Variants in JAK2 observed in about 807,000 individuals in gnomAD.
JAK2 encodes the protein tyrosine-protein kinase JAK2.
A neutral mutation model predicts 139.3 loss-of-function variants in JAK2; 86 were observed. That is an observed-to-expected ratio of 0.62 (90% CI 0.52 to 0.74). The LOEUF (loss-of-function observed/expected upper bound fraction) is 0.74, where lower values mean the gene tolerates loss of function less well. Among genes scored for constraint, JAK2 ranks in the 30% least tolerant of loss-of-function variants. The pLI, the probability that JAK2 is intolerant of heterozygous loss-of-function variation, is 0.00. For synonymous variants in JAK2, 490 were observed against 437.7 expected, an observed-to-expected ratio of 1.12 and a Z score of -1.49; for missense variants, 1,421 against 1,360.3, an observed-to-expected ratio of 1.04 and a Z score of -0.70.
intron 4 of JAK2, among the ~76,000 whole-genome samples, chr9:5,036,432 C>T (rs1267850343): frequency 6.6e-6 from 1 of 151,978 alleles, no homozygotes; most frequent in Non-Finnish European, 1.5e-5. Flanking sequence ...AATCCTAAGC[C>T]AAAAGAACAA....
chr9:5,087,109 C>G (rs1820181627), intron 19 of JAK2, among the ~76,000 whole-genome samples: 1 of 152,150 alleles, frequency 6.6e-6, no homozygotes, highest in Non-Finnish European at 1.5e-5. Flanking sequence ...ACTTATGACT[C>G]TTACTGGTTG....
chr9:5,102,121 G>A (rs761498756), intron 22 of JAK2, among the ~76,000 whole-genome samples: 21 of 152,136 alleles, frequency 1.4e-4, no homozygotes, highest in Non-Finnish European at 2.5e-4. Context: ...CAAACCCATC[G>A]CAAGGAAGCT....
chr9:5,078,214 C>T (rs2130588106), intron 15 of JAK2, 92 bp from the exon 16 acceptor site: 1 of 1,043,030 alleles, frequency 9.6e-7, no homozygotes, highest in Non-Finnish European at 1.4e-6. Context: ...ATGTATTTTT[C>T]TTCTTTAAAT....
chr9:5,088,038 C>T (rs1330594558), intron 19 of JAK2, among the ~76,000 whole-genome samples: 1 of 152,092 alleles, frequency 6.6e-6, no homozygotes, highest in Non-Finnish European at 1.5e-5. Context: ...AAACTTATTT[C>T]CTACTTTTGT....
chr9:5,009,811 C>T (rs1286049100), intron 2 of JAK2, among the ~76,000 whole-genome samples: 2 of 151,684 alleles, frequency 1.3e-5, no homozygotes, highest in African/African-American at 4.8e-5. Context: ...TGCTCTGTTG[C>T]CCAGGCTGGA....
At chr9:5,018,917 C>CT (rs992815977) in intron 2 of JAK2, among the ~76,000 whole-genome samples, 1 of 152,076 alleles carries the variant, frequency 6.6e-6, no homozygotes. Context: ...TGACTAGACT[C>CT]TTTTTTCTTG....
At chr9:4,995,725 A>T (rs1820520246) in intron 2 of JAK2, among the ~76,000 whole-genome samples, 1 of 152,246 alleles carries the variant, frequency 6.6e-6, no homozygotes, top group Admixed American at 6.5e-5. Flanking sequence ...AAAATGAATA[A>T]ATCAAGCATT....
intron 4 of JAK2, among the ~76,000 whole-genome samples, chr9:5,035,340 T>C (rs1025930983): frequency 6.6e-6 from 1 of 152,182 alleles, no homozygotes; most frequent in Non-Finnish European, 1.5e-5. Context: ...CTGAAACTAT[T>C]CCAATCAATA....
chr9:5,077,539 C>T lies in JAK2; in HGVS notation c.1951C>T (p.Leu651Phe). Residue 651 changes from leucine to phenylalanine, a missense_variant, in exon 15 of 25, where the codon CTT (leucine) becomes TTT (phenylalanine). Coordinates refer to ENST00000381652, the MANE Select transcript of JAK2 (RefSeq NM_004972.4). The stretch of plus-strand genomic sequence containing the variant: ...AAATTGTATAAATATATTATGGAAA[C>T]TTGAAGTTGCTAAACAGTTGGCATG... ...NKNCINILWK[L>F]EVAKQLAWAM... 2 of 1,488,694 alleles carry T rather than the reference C, an allele frequency of 1.3e-6. No individual in the cohort carries two copies. The highest frequency in any genetic ancestry group is 2.9e-5 in the South Asian group (2 of 68,364). 92.2% of individuals were successfully genotyped at this position (1,488,694 alleles called of 1,614,324 possible). A position where few individuals can be genotyped will look rare whatever the true frequency, so the allele number is the denominator to read the frequency against.
intron 2 of JAK2, among the ~76,000 whole-genome samples, chr9:4,987,473 C>T (rs1007230780): frequency 1.3e-5 from 2 of 152,148 alleles, no homozygotes; most frequent in South Asian, 2.1e-4. Context: ...TGGTGGCTCA[C>T]GCCTGTAATC....
chr9:5,046,136 G>A (rs146064218), intron 5 of JAK2, among the ~76,000 whole-genome samples: 3 of 152,302 alleles, frequency 2.0e-5, no homozygotes, highest in African/African-American at 7.2e-5. Context: ...CAGTGATCAT[G>A]AGCATCTTTT....
At chr9:5,071,887 G>A (rs1818972922) in intron 12 of JAK2, among the ~76,000 whole-genome samples, 1 of 152,160 alleles carries the variant, frequency 6.6e-6, no homozygotes, top group African/African-American at 2.4e-5. Flanking sequence ...ACTTTGTAAA[G>A]ATATGCAAGA....
chr9:4,995,582 T>A (rs1299757940), intron 2 of JAK2, among the ~76,000 whole-genome samples: 1 of 152,242 alleles, frequency 6.6e-6, no homozygotes, highest in Admixed American at 6.5e-5. Flanking sequence ...ATTTCTGGAC[T>A]TTGTTTCATT....
chr9:5,082,744 A>G (rs992967858), intron 19 of JAK2, among the ~76,000 whole-genome samples: 1 of 152,240 alleles, frequency 6.6e-6, no homozygotes, highest in Non-Finnish European at 1.5e-5. Context: ...TTGAGACTGG[A>G]GAATGGCGAT....
chr9:5,050,816 T>G lies in JAK2; in HGVS notation c.599T>G (p.Ile200Ser). The G allele has an allele frequency of 6.2e-7, 1 of 1,613,352 alleles. No individual in the cohort carries two copies. The highest frequency in any genetic ancestry group is 8.5e-7 in the Non-Finnish European group (1 of 1,179,478). ...GAAAACGATCAAACCCCACTGGCCATCTATAACTCTATCAGGTAATTTTCT... is the reference window on the plus strand; with the variant it reads ...GAAAACGATCAAACCCCACTGGCCAGCTATAACTCTATCAGGTAATTTTCT... ...AKENDQTPLA[I>S]YNSISYKTFL... Residue 200 changes from isoleucine to serine, a missense_variant, in exon 6 of 25, where the codon ATC (isoleucine) becomes AGC (serine). By Grantham distance (142) the Ile-to-Ser change is moderately radical (BLOSUM62 -2). Transcript: ENST00000381652.
In JAK2 at chr9:5,069,504, AAAAATTTTCAT is replaced by A. The variant is rs529023121; in HGVS notation, c.1513+298_1513+308del. On this transcript the variant is annotated intron_variant, in intron 11 of 24. Transcript: ENST00000381652. ...ACTAAATTCTTATGTTGTTTTAAGT[AAAAATTTTCAT>A]ATACTTCGAGGATTTTAATTTCTGT... 2.0e-4 allele frequency among the ~76,000 whole-genome samples: 30 copies of A among 152,304 alleles called. 1 individual carries two copies. The South Asian group carries it at 6.0e-3, about 30-fold the overall frequency.
chr9:5,081,773 G>T lies in JAK2; in HGVS notation c.2483G>T (p.Gly828Val), dbSNP rs1233946002. ...ENDMLPNMRI[G>V]ALGFSGAFED... is the part of the protein sequence containing the mutation. ...GACATGTTACCAAATATGAGGATAGGTGCCCTGGGGTTTTCTGGTGCCTTT... is the reference window on the plus strand; with the variant it reads ...GACATGTTACCAAATATGAGGATAGTTGCCCTGGGGTTTTCTGGTGCCTTT... The change falls in exon 19 of 25, where the codon GGT (glycine) becomes GTT (valine). Residue 828 changes from glycine (G) to valine (V), a missense_variant. Transcript: ENST00000381652. 2 of 1,604,198 alleles carry T rather than the reference G, an allele frequency of 1.2e-6. No individual in the cohort carries two copies. Among genetic ancestry groups the T allele is most frequent in the African/African-American group, 2.7e-5 (2 of 74,524 alleles).
chr9:5,053,418 C>A (rs949572760), intron 6 of JAK2, among the ~76,000 whole-genome samples: 2 of 151,838 alleles, frequency 1.3e-5, no homozygotes, highest in Admixed American at 6.6e-5. Flanking sequence ...TTATTTCCTC[C>A]CATTCTGTGT....
intron 22 of JAK2, chr9:5,111,695 A>G (rs1822562304): frequency 7.0e-6 from 3 of 429,888 alleles, no homozygotes; most frequent in African/African-American, 4.1e-5. Context: ...CGGAGGCAGC[A>G]GCACGTTTGG....
Sources: gnomAD v4.1 joint callset for allele counts (sites outside exome capture counted in the v4.1 genomes callset) on GRCh38, gnomAD v4.1.1 for gene constraint, MANE v1.5 for transcripts, NCBI Gene and HGNC (gene_info 2026-07-23, HGNC 2026-07-21) for gene names.